The following CRB1 variants were observed in gnomAD, a reference collection of about 807,000 sequenced individuals.
The protein encoded by CRB1 is protein crumbs homolog 1.
Under a neutral mutation model 120.0 loss-of-function variants are expected in CRB1, and 83 were observed. The ratio of observed to expected loss-of-function variants is 0.69; its 90% confidence interval spans 0.58 to 0.83. The LOEUF (loss-of-function observed/expected upper bound fraction) is 0.83. Among genes scored for constraint, CRB1 ranks in the 40% least tolerant of loss-of-function variants. The pLI is 0.00. For synonymous variants in CRB1, 625 were observed against 612.5 expected (o/e 1.02, Z -0.30); for missense variants, 1,699 against 1,687.6 (o/e 1.01, Z -0.12).
the CRB1 span, among the ~76,000 whole-genome samples, chr1:197,251,319 T>C: frequency 2.4e-3 from 366 of 152,118 alleles, 6 homozygotes; most frequent in East Asian, 1.5e-3. Context: ...GTTGTTGTTG[T>C]TGTCTTTGTT....
At chr1:197,406,846 A>G (rs1400318330) in intron 5 of CRB1, among the ~76,000 whole-genome samples, 1 of 152,198 alleles carries the variant, frequency 6.6e-6, no homozygotes, top group African/African-American at 2.4e-5. Flanking sequence ...TAAAATATTT[A>G]CATATTAATT....
Position 197,421,801 on chromosome 1 carries a change from T to C in CRB1, c.1973T>C (p.Ile658Thr). ...TGGAATCACATTACCCTGGAGAACATCTCGTCTGGCTCATCATTAAATGTC... is the reference window on the plus strand; with the variant it reads ...TGGAATCACATTACCCTGGAGAACACCTCGTCTGGCTCATCATTAAATGTC... ...IDWNHITLEN[I>T]SSGSSLNVKA... Residue 658 changes from isoleucine (I) to threonine (T), a missense_variant, in exon 6 of 12, where the codon ATC becomes ACC. Physicochemically the swap from Ile to Thr is moderately conservative, Grantham distance 89 (BLOSUM62 -1). Coordinates refer to ENST00000367400, the MANE Select transcript of CRB1 (RefSeq NM_201253.3). The C allele has an allele frequency of 6.2e-7, 1 of 1,614,146 alleles. No individual in the cohort carries two copies. Among genetic ancestry groups the C allele is most frequent in the Non-Finnish European group, 8.5e-7 (1 of 1,180,020 alleles).
intron 5 of CRB1, among the ~76,000 whole-genome samples, chr1:197,398,655 G>A (rs1662897974): frequency 6.6e-6 from 1 of 152,132 alleles, no homozygotes; most frequent in Non-Finnish European, 1.5e-5. Context: ...GAGTCATTCG[G>A]CAAGTCAGCG....
chr1:197,411,296 T>C (rs1190166305), intron 5 of CRB1, among the ~76,000 whole-genome samples: 1 of 152,190 alleles, frequency 6.6e-6, no homozygotes, highest in Non-Finnish European at 1.5e-5. Flanking sequence ...CAATGTCACA[T>C]AAAATTTGGA....
chr1:197,349,216 C>A (rs147953960), intron 4 of CRB1, among the ~76,000 whole-genome samples: 11 of 152,278 alleles, frequency 7.2e-5, no homozygotes, highest in African/African-American at 2.4e-4. Context: ...AGGTTTGTAG[C>A]CTAGCAGCAA....
intron 5 of CRB1, among the ~76,000 whole-genome samples, chr1:197,383,240 G>C (rs1229928488): frequency 6.6e-6 from 1 of 152,004 alleles, no homozygotes; most frequent in Admixed American, 6.6e-5. Context: ...GTTTCCATAG[G>C]AACTCAAACT....
chr1:197,471,301 T>C (rs1400073742), intron 11 of CRB1, among the ~76,000 whole-genome samples: 1 of 152,182 alleles, frequency 6.6e-6, no homozygotes, highest in Non-Finnish European at 1.5e-5. Flanking sequence ...ATTCCTTCTT[T>C]TTCCAGCAAG....
intron 5 of CRB1, chr1:197,413,954 T>C: frequency 2.2e-6 from 1 of 457,236 alleles, no homozygotes; most frequent in Non-Finnish European, 4.4e-6. Context: ...GAAAGATGTT[T>C]GGAGCCAGGA....
chr1:197,466,779 A>G (rs1475421521), intron 11 of CRB1, among the ~76,000 whole-genome samples: 1 of 152,250 alleles, frequency 6.6e-6, no homozygotes, highest in Admixed American at 6.5e-5. Flanking sequence ...GAATGAATTA[A>G]TAGCAGCTTT....
chr1:197,356,958 T>C lies in CRB1; in HGVS notation c.1116T>C (p.Ser372=), dbSNP rs764990895. ...GACGCATCACTGGACTGCCTTCTTC[T>C]TTCAGCTACCATGAAGCCTCAGGTT... is the stretch of plus-strand genomic sequence containing the variant. ...QYGRITGLPS[S]FSYHEASGYV... The change falls in exon 5 of 12, where the codon TCT becomes TCC. Residue 372 remains serine, a synonymous_variant. Transcript: ENST00000367400. 4 of 1,614,112 alleles carry C rather than the reference T, an allele frequency of 2.5e-6. No homozygotes were observed. The East Asian group carries it at 6.7e-5, about 27-fold the overall frequency.
intron 5 of CRB1, among the ~76,000 whole-genome samples, chr1:197,399,183 C>A (rs147302173): frequency 6.6e-6 from 1 of 152,078 alleles, no homozygotes; most frequent in African/African-American, 2.4e-5. Context: ...CCTAACTCCA[C>A]GCTGTTAGAT....
chr1:197,430,653 A>G (rs919832081), intron 8 of CRB1, among the ~76,000 whole-genome samples: 1 of 152,096 alleles, frequency 6.6e-6, no homozygotes, highest in Non-Finnish European at 1.5e-5. Context: ...TTCTACACAA[A>G]CATCCTCCAA....
At chr1:197,420,345 T>C (rs10922223) in intron 5 of CRB1, among the ~76,000 whole-genome samples, 66 of 151,856 alleles carry the variant, frequency 4.3e-4, no homozygotes, top group Non-Finnish European at 1.6e-4. Flanking sequence ...TGACTTGGAA[T>C]CAGAAAAAAA....
At chr1:197,353,832 A>C (rs1300960529) in intron 4 of CRB1, among the ~76,000 whole-genome samples, 4 of 150,936 alleles carry the variant, frequency 2.7e-5, no homozygotes, top group South Asian at 2.1e-4. Flanking sequence ...AAAAAAAAAA[A>C]AAAAACTTTA....
At chr1:197,397,628 TA>T (rs1432621343) in intron 5 of CRB1, among the ~76,000 whole-genome samples, 1 of 152,156 alleles carries the variant, frequency 6.6e-6, no homozygotes, top group Non-Finnish European at 1.5e-5. Context: ...TACTCAGCAA[TA>T]AAAAGACCCA....
At chr1:197,417,454 C>G (rs912507831) in intron 5 of CRB1, among the ~76,000 whole-genome samples, 3 of 152,138 alleles carry the variant, frequency 2.0e-5, no homozygotes, top group African/African-American at 4.8e-5. Context: ...AATAGTTCTT[C>G]CCAATAGGCC....
At chr1:197,462,806 T>G (rs537971715) in intron 11 of CRB1, among the ~76,000 whole-genome samples, 10 of 152,246 alleles carry the variant, frequency 6.6e-5, no homozygotes, top group African/African-American at 2.4e-4. Flanking sequence ...TTAACAGGAA[T>G]TACAATTATC....
At position 197,446,700 on chromosome 1, in the gene CRB1, G is replaced by T. The variant is rs992243046; in HGVS notation, c.4005+4408G>T. 2.0e-5 allele frequency among the ~76,000 whole-genome samples: 3 copies of T among 152,120 alleles called. No homozygotes were observed. The South Asian group carries it at 6.2e-4, about 32-fold the overall frequency. On this transcript the variant is annotated intron_variant, in intron 11 of 11. Transcript: ENST00000367400. ...TGCTGCAGTGATAAAGAAAGAAGGA[G>T]AATTTGCACTACCATATATAGTTGT... is the stretch of plus-strand genomic sequence containing the variant.
At chr1:197,250,760 A>C in the CRB1 span, among the ~76,000 whole-genome samples, 5 of 152,064 alleles carry the variant, frequency 3.3e-5, no homozygotes, top group Non-Finnish European at 5.9e-5. Flanking sequence ...TCTGTCTGAC[A>C]TCCTTCCTAG....
Sources: allele counts gnomAD v4.1 joint callset (sites outside exome capture counted in the v4.1 genomes callset), GRCh38; gene constraint gnomAD v4.1.1; transcripts MANE v1.5; gene names NCBI Gene and HGNC (gene_info 2026-07-23, HGNC 2026-07-21).